The following CDH12 variants were observed in gnomAD, a reference collection of about 807,000 sequenced individuals.
CDH12 encodes the protein cadherin-12.
CDH12 carries 41 observed loss-of-function variants against 74.1 expected under a neutral mutation model. That is an observed-to-expected ratio of 0.55 (90% CI 0.43 to 0.72). The LOEUF is 0.72. Among genes scored for constraint, CDH12 ranks in the 30% least tolerant of loss-of-function variants. CDH12 has a pLI of 0.00. For synonymous variants in CDH12, 399 were observed against 355.0 expected, an observed-to-expected ratio of 1.12 and a Z score of -1.39; for missense variants, 945 against 977.2, an observed-to-expected ratio of 0.97 and a Z score of 0.44.
chr5:21,940,879 T>C (rs1243709203), intron 6 of CDH12, among the ~76,000 whole-genome samples: 1 of 151,966 alleles, frequency 6.6e-6, no homozygotes, highest in East Asian at 1.9e-4. Context: ...CACACAGTCC[T>C]TTACAATTAC....
At chr5:22,774,120 A>G (rs1214570162) in intron 1 of CDH12, among the ~76,000 whole-genome samples, 5 of 152,150 alleles carry the variant, frequency 3.3e-5, no homozygotes, top group Non-Finnish European at 5.9e-5. Context: ...CAGCAATCCT[A>G]TTACTTGGTA....
At chr5:22,644,138 G>C (rs969414957) in intron 1 of CDH12, among the ~76,000 whole-genome samples, 1 of 151,830 alleles carries the variant, frequency 6.6e-6, no homozygotes, top group Non-Finnish European at 1.5e-5. Context: ...CCCTTAAATG[G>C]CCTTTACATG....
intron 3 of CDH12, among the ~76,000 whole-genome samples, chr5:22,340,361 C>A (rs1235666150): frequency 2.6e-5 from 4 of 151,964 alleles, no homozygotes; most frequent in African/African-American, 4.8e-5. Flanking sequence ...CCCATCTCTA[C>A]TAAAAATACA....
chr5:21,872,595 G>A (rs115838845), intron 6 of CDH12, among the ~76,000 whole-genome samples: 1,646 of 152,236 alleles, frequency 0.011, 15 homozygotes, highest in Non-Finnish European at 0.017. Context: ...CGATAATTCA[G>A]TAAGCTTTGT....
chr5:22,059,746 C>A (rs1741055082), intron 5 of CDH12, among the ~76,000 whole-genome samples: 2 of 151,992 alleles, frequency 1.3e-5, no homozygotes, highest in Non-Finnish European at 2.9e-5. Flanking sequence ...TTCAATAGCC[C>A]TGAATACTTG....
chr5:21,869,781 G>A (rs1751520009), intron 6 of CDH12, among the ~76,000 whole-genome samples: 2 of 152,216 alleles, frequency 1.3e-5, no homozygotes, highest in South Asian at 4.2e-4. Flanking sequence ...GATTAAGTAT[G>A]GCTTAAGGAA....
At chr5:22,698,004 G>A (rs1256475580) in intron 1 of CDH12, among the ~76,000 whole-genome samples, 1 of 151,602 alleles carries the variant, frequency 6.6e-6, no homozygotes, top group Non-Finnish European at 1.5e-5. Context: ...TACTGTGAAA[G>A]TCACCTATCC....
intron 11 of CDH12, among the ~76,000 whole-genome samples, chr5:21,781,183 G>A (rs1415015657): frequency 6.6e-6 from 1 of 152,068 alleles, no homozygotes; most frequent in Admixed American, 6.6e-5. Context: ...ATTTCCCATG[G>A]TCAGCTGGAC....
intron 1 of CDH12, among the ~76,000 whole-genome samples, chr5:22,509,323 A>G (rs1736510967): frequency 6.6e-6 from 1 of 152,220 alleles, no homozygotes; most frequent in Non-Finnish European, 1.5e-5. Context: ...ATGGCTACAT[A>G]ATTTTTAGAA....
rs974630810 is a variant in CDH12, at chr5:21,953,922, G to T, written c.526+21169C>A. Among the ~76,000 whole-genome samples, 3 of 152,156 alleles carry T rather than the reference G, an allele frequency of 2.0e-5. No individual in the cohort carries two copies. The East Asian group carries it at 5.8e-4, about 29-fold the overall frequency. On this transcript the variant is annotated intron_variant, in intron 6 of 14. Transcript: ENST00000382254. Reference sequence around the variant, plus strand: ...GATAAAAGTTACCAGATGTCTCTCAGACTATATCTATGAAAAAATACATAA... The same window carrying T: ...GATAAAAGTTACCAGATGTCTCTCATACTATATCTATGAAAAAATACATAA...
At chr5:22,279,513 T>A (rs1300942707) in intron 3 of CDH12, among the ~76,000 whole-genome samples, 1 of 152,114 alleles carries the variant, frequency 6.6e-6, no homozygotes, top group Non-Finnish European at 1.5e-5. Context: ...CTCCTAATGT[T>A]ATCCCTCCTC....
At chr5:21,988,713 C>G (rs1250335603) in intron 5 of CDH12, among the ~76,000 whole-genome samples, 2 of 151,968 alleles carry the variant, frequency 1.3e-5, no homozygotes, top group African/African-American at 4.8e-5. Context: ...AGGAGTTTGT[C>G]AGTCTAAAGG....
At chr5:22,497,281 A>C (rs1343532369) in intron 2 of CDH12, among the ~76,000 whole-genome samples, 1 of 152,328 alleles carries the variant, frequency 6.6e-6, no homozygotes, top group African/African-American at 2.4e-5. Flanking sequence ...TGTTGGCTAA[A>C]GGCAGCTCAG....
At chr5:22,456,891 C>G (rs1466925528) in intron 2 of CDH12, among the ~76,000 whole-genome samples, 1 of 151,796 alleles carries the variant, frequency 6.6e-6, no homozygotes, top group African/African-American at 2.4e-5. Context: ...AGATGCACAA[C>G]AGTTTTGAGT....
intron 1 of CDH12, among the ~76,000 whole-genome samples, chr5:22,846,479 C>CACAGAGA (rs1225507786): frequency 3.3e-5 from 5 of 151,900 alleles, no homozygotes; most frequent in Non-Finnish European, 7.4e-5. Flanking sequence ...GGTCAAAAGA[C>CACAGAGA]ACAGAGAACT....
chr5:21,847,288 A>T (rs190229562), intron 7 of CDH12, among the ~76,000 whole-genome samples: 90 of 152,226 alleles, frequency 5.9e-4, no homozygotes, highest in African/African-American at 2.1e-3. Flanking sequence ...GATCTTTTTT[A>T]AAAGTCATCT....
intron 6 of CDH12, among the ~76,000 whole-genome samples, chr5:21,951,885 C>T (rs956590073): frequency 6.6e-6 from 1 of 152,104 alleles, no homozygotes; most frequent in Non-Finnish European, 1.5e-5. Context: ...CAACACCAAC[C>T]CTAGGTACAT....
At chr5:22,802,152 C>T (rs576461866) in intron 1 of CDH12, among the ~76,000 whole-genome samples, 1 of 144,750 alleles carries the variant, frequency 6.9e-6, no homozygotes, top group Non-Finnish European at 1.5e-5. Context: ...GACGGAGTCT[C>T]CCTCTGTCGC....
At chr5:22,513,041 GATA>G (rs934826504) in intron 1 of CDH12, among the ~76,000 whole-genome samples, 28 of 152,020 alleles carry the variant, frequency 1.8e-4, no homozygotes, top group African/African-American at 6.5e-4. Flanking sequence ...TGTCTAAAAA[GATA>G]ATAATAATAA....
Sources: allele counts gnomAD v4.1 joint callset (sites outside exome capture counted in the v4.1 genomes callset), GRCh38; gene constraint gnomAD v4.1.1; transcripts MANE v1.5; gene names NCBI Gene and HGNC (gene_info 2026-07-23, HGNC 2026-07-21).